The following RNF150 variants were observed in gnomAD, a reference collection of about 807,000 sequenced individuals.
The protein encoded by RNF150 is ring finger protein 150.
Under a neutral mutation model 39.3 loss-of-function variants are expected in RNF150, and 24 were observed. That is an observed-to-expected ratio of 0.61 (90% CI 0.44 to 0.86). RNF150 has a LOEUF of 0.86. Among genes scored for constraint, RNF150 ranks in the 40% least tolerant of loss-of-function variants. The pLI is 0.00. For synonymous variants in RNF150, 255 were observed against 227.3 expected, an observed-to-expected ratio of 1.12 and a Z score of -1.10; for missense variants, 502 against 587.8, an observed-to-expected ratio of 0.85 and a Z score of 1.51.
At chr4:141,037,263 T>C (rs1736182232) in intron 1 of RNF150, among the ~76,000 whole-genome samples, 1 of 152,212 alleles carries the variant, frequency 6.6e-6, no homozygotes. Context: ...GATACATTCA[T>C]TCCATTAGTC....
At chr4:141,058,713 G>A (rs1737091955) in intron 1 of RNF150, among the ~76,000 whole-genome samples, 2 of 152,124 alleles carry the variant, frequency 1.3e-5, no homozygotes, top group Non-Finnish European at 2.9e-5. Flanking sequence ...TGAGTATTAA[G>A]TGTGATGTTA....
chr4:141,032,602 A>T (rs1735989635), intron 1 of RNF150, among the ~76,000 whole-genome samples: 1 of 152,066 alleles, frequency 6.6e-6, no homozygotes. Flanking sequence ...ATCTAAATAA[A>T]GCTCTGTGAA....
intron 1 of RNF150, among the ~76,000 whole-genome samples, chr4:141,022,459 A>G (rs1735532362): frequency 6.6e-6 from 1 of 152,192 alleles, no homozygotes; most frequent in African/African-American, 2.4e-5. Flanking sequence ...TACAGATGGG[A>G]GTAAGGTGAT....
At chr4:141,192,442 T>C in intron 1 of RNF150, among the ~76,000 whole-genome samples, 1 of 152,226 alleles carries the variant, frequency 6.6e-6, no homozygotes, top group East Asian at 1.9e-4. Context: ...ACAGATATTA[T>C]ACAAATAAAT....
intron 1 of RNF150, among the ~76,000 whole-genome samples, chr4:141,141,722 A>G (rs1727120542): frequency 6.6e-6 from 1 of 152,070 alleles, no homozygotes; most frequent in South Asian, 2.1e-4. Context: ...AATTGCTTGA[A>G]CCCGGGAGGT....
At chr4:141,114,462 A>G (rs6856997) in intron 1 of RNF150, among the ~76,000 whole-genome samples, 129,281 of 152,092 alleles carry the variant, frequency 0.85, 55,077 homozygotes, top group East Asian at 1. Flanking sequence ...GGAAGAAGTC[A>G]AATCCCTGAA....
intron 6 of RNF150, among the ~76,000 whole-genome samples, chr4:140,907,579 A>G (rs932473970): frequency 5.3e-5 from 8 of 152,292 alleles, no homozygotes; most frequent in Middle Eastern, 3.4e-3. Flanking sequence ...GGTTGGAATG[A>G]GAGTATAAGT....
At chr4:140,981,086 T>G (rs1353434940) in intron 1 of RNF150, among the ~76,000 whole-genome samples, 1 of 152,176 alleles carries the variant, frequency 6.6e-6, no homozygotes, top group Admixed American at 6.6e-5. Context: ...TAAAGTTTAC[T>G]ATTTTGGTTT....
At chr4:141,128,726 G>C (rs1298411930) in intron 1 of RNF150, among the ~76,000 whole-genome samples, 1 of 151,994 alleles carries the variant, frequency 6.6e-6, no homozygotes, top group Non-Finnish European at 1.5e-5. Context: ...TAAAAAAAAA[G>C]TGAGAGAAGC....
At chr4:141,029,676 T>C (rs148717273) in intron 1 of RNF150, among the ~76,000 whole-genome samples, 13 of 152,260 alleles carry the variant, frequency 8.5e-5, no homozygotes, top group African/African-American at 2.4e-4. Flanking sequence ...GGGAATTCCT[T>C]TACAAATTAT....
chr4:140,885,598 G>A (rs900565716), intron 6 of RNF150, among the ~76,000 whole-genome samples: 5 of 151,274 alleles, frequency 3.3e-5, no homozygotes, highest in South Asian at 2.1e-4. Flanking sequence ...CACTATGCCC[G>A]GCTAGTTTTG....
At chr4:141,032,647 C>T (rs1177783060) in intron 1 of RNF150, among the ~76,000 whole-genome samples, 3 of 151,916 alleles carry the variant, frequency 2.0e-5, no homozygotes, top group African/African-American at 4.8e-5. Context: ...AAGAACAGTG[C>T]TAGTTGGTTT....
intron 1 of RNF150, among the ~76,000 whole-genome samples, chr4:141,102,931 G>A (rs1739065974): frequency 6.6e-6 from 1 of 152,190 alleles, no homozygotes; most frequent in African/African-American, 2.4e-5. Flanking sequence ...GGGTGGTAAT[G>A]GATGCCACAG....
intron 6 of RNF150, among the ~76,000 whole-genome samples, chr4:140,904,049 T>C (rs949640120): frequency 2.0e-5 from 3 of 152,094 alleles, no homozygotes; most frequent in African/African-American, 4.8e-5. Flanking sequence ...GGATCGTGGA[T>C]TGGGTAGTTG....
intron 6 of RNF150, among the ~76,000 whole-genome samples, chr4:140,906,339 TAAA>T (rs1246496089): frequency 6.6e-6 from 1 of 151,870 alleles, no homozygotes; most frequent in Non-Finnish European, 1.5e-5. Context: ...AATATACAAA[TAAA>T]AATAATATAA....
intron 1 of RNF150, among the ~76,000 whole-genome samples, chr4:141,171,115 T>A (rs1727710248): frequency 1.3e-5 from 2 of 152,206 alleles, no homozygotes; most frequent in Non-Finnish European, 2.9e-5. Flanking sequence ...ACAGTCTGTT[T>A]AGAAAGCAAG....
rs533784204 is a variant in RNF150, at chr4:141,180,687, C to T, written c.-6+32107G>A. Among the ~76,000 whole-genome samples the T allele has an allele frequency of 6.6e-5, 10 of 152,258 alleles. No homozygotes were observed. The East Asian group carries it at 1.7e-3, about 26-fold the overall frequency. ...CTGAATTTCCTAAAAATGAATGGCA[C>T]ACAATGAGCAAATCACACATATATA... On this transcript the variant is annotated intron_variant, in intron 1 of 7. Coordinates refer to the RNF150 transcript ENST00000420921.
At chr4:140,885,642 G>T (rs999444284) in intron 6 of RNF150, among the ~76,000 whole-genome samples, 1 of 151,094 alleles carries the variant, frequency 6.6e-6, no homozygotes, top group Non-Finnish European at 1.5e-5. Context: ...CTCCATGTTG[G>T]TCAGGCTGGT....
At chr4:141,149,014 A>G (rs1727250935) in intron 1 of RNF150, among the ~76,000 whole-genome samples, 2 of 152,150 alleles carry the variant, frequency 1.3e-5, no homozygotes, top group African/African-American at 2.4e-5. Flanking sequence ...AAAACTGAAC[A>G]GAAGGTTTAA....
Sources: allele counts gnomAD v4.1 joint callset (sites outside exome capture counted in the v4.1 genomes callset), GRCh38; gene constraint gnomAD v4.1.1; transcripts MANE v1.5; gene names NCBI Gene and HGNC (gene_info 2026-07-23, HGNC 2026-07-21).